Variants in LOXL2 observed in about 807,000 individuals in gnomAD.
LOXL2 encodes the protein lysyl oxidase homolog 2.
Under a neutral mutation model 93.0 loss-of-function variants are expected in LOXL2, and 70 were observed. The observed-to-expected ratio is 0.75, with a 90% CI of 0.62 to 0.92. The LOEUF is 0.92. LOXL2 is among the 40% of genes least tolerant of loss of function. The pLI is 0.00. For synonymous variants in LOXL2, 438 were observed against 413.2 expected (o/e 1.06, Z -0.73); for missense variants, 973 against 1,054.9 (o/e 0.92, Z 1.08).
At chr8:23,317,829 G>A (rs1217746565) in intron 8 of LOXL2, among the ~76,000 whole-genome samples, 1 of 152,116 alleles carries the variant, frequency 6.6e-6, no homozygotes, top group African/African-American at 2.4e-5. Flanking sequence ...GTACAGAAAC[G>A]GGATGAGAAC....
Position 23,298,073 on chromosome 8 carries a change from C to T in LOXL2, c.2295G>A (p.Gly765=). ...ETEKKFEHFS[G]LLNNQLSPQ is the part of the protein sequence containing the mutation. ...GCGGGGACAGCTGGTTGTTTAAGAG[C>T]CCGCTGAAGTGCTCAAACTTTTTTT... Residue 765 remains glycine, a synonymous_variant, in exon 14 of 14, where the codon GGG becomes GGA. Coordinates refer to ENST00000389131, the MANE Select transcript of LOXL2 (RefSeq NM_002318.3). 2 of 1,613,900 alleles carry T rather than the reference C, an allele frequency of 1.2e-6. No homozygotes were observed. Among genetic ancestry groups the T allele is most frequent in the Middle Eastern group, 1.7e-4 (1 of 5,824 alleles).
intron 1 of LOXL2, among the ~76,000 whole-genome samples, chr8:23,371,881 T>C (rs1227044912): frequency 6.6e-6 from 1 of 151,836 alleles, no homozygotes. Context: ...AAAAGTACTA[T>C]TGTCTATTAG....
intron 10 of LOXL2, among the ~76,000 whole-genome samples, chr8:23,304,155 C>T (rs934075291): frequency 5.3e-5 from 8 of 152,196 alleles, no homozygotes; most frequent in South Asian, 2.1e-4. Context: ...GGCACGTCCC[C>T]GGGGGTTCCA....
chr8:23,305,392 T>G (rs776238477), intron 10 of LOXL2, among the ~76,000 whole-genome samples: 1 of 152,168 alleles, frequency 6.6e-6, no homozygotes, highest in Non-Finnish European at 1.5e-5. Flanking sequence ...GGCCTCCCAG[T>G]TTTCCCTGGC....
Position 23,303,391 on chromosome 8 carries a change from G to A in LOXL2, c.1887C>T (p.Tyr629=), listed in dbSNP as rs1201462457. 2 of 1,593,356 alleles carry A rather than the reference G, an allele frequency of 1.3e-6. No individual in the cohort carries two copies. Among genetic ancestry groups the A allele is most frequent in the East Asian group, 2.2e-5 (1 of 44,778 alleles). The change falls in exon 11 of 14, where the codon TAC becomes TAT. Residue 629 remains tyrosine (Y), a synonymous_variant. Coordinates refer to ENST00000389131, the MANE Select transcript of LOXL2 (RefSeq NM_002318.3). ...AGTGGGTGAACACCTCCATGCTGTG[G>A]TAGTGCCTGGAGCGAGAGAGAGATG... ...AWIWHDCHRH[Y]HSMEVFTHYD... is the part of the protein sequence containing the mutation.
intron 3 of LOXL2, among the ~76,000 whole-genome samples, chr8:23,353,723 TTA>T (rs1203505067): frequency 6.6e-6 from 1 of 152,316 alleles, no homozygotes; most frequent in Non-Finnish European, 1.5e-5. Flanking sequence ...CAAAGCACTT[TTA>T]GAGAAATCAT....
intron 1 of LOXL2, among the ~76,000 whole-genome samples, chr8:23,369,360 T>C (rs934954690): frequency 3.9e-5 from 6 of 152,074 alleles, no homozygotes; most frequent in African/African-American, 1.4e-4. Context: ...AGGAGACGAT[T>C]TTAAAAGGAG....
chr8:23,375,993 G>A (rs564850085), intron 1 of LOXL2, among the ~76,000 whole-genome samples: 186 of 152,270 alleles, frequency 1.2e-3, no homozygotes, highest in African/African-American at 4.4e-3. Flanking sequence ...GGAGTGGTGA[G>A]AGAGGGCATC....
intron 1 of LOXL2, among the ~76,000 whole-genome samples, chr8:23,395,048 G>A (rs948907057): frequency 2.0e-5 from 3 of 152,266 alleles, no homozygotes; most frequent in African/African-American, 7.2e-5. Flanking sequence ...GAGGTCAAGA[G>A]ATCGAGACCA....
At chr8:23,360,587 A>G (rs532872577) in intron 2 of LOXL2, among the ~76,000 whole-genome samples, 11 of 152,300 alleles carry the variant, frequency 7.2e-5, no homozygotes, top group Admixed American at 2.6e-4. Flanking sequence ...GTTCTCGTTC[A>G]GCCACTTAGC....
At chr8:23,330,301 T>C (rs1453687981) in intron 5 of LOXL2, among the ~76,000 whole-genome samples, 1 of 152,190 alleles carries the variant, frequency 6.6e-6, no homozygotes, top group Admixed American at 6.5e-5. Flanking sequence ...GCCACTGCAT[T>C]CTGGCCTGGG....
chr8:23,314,294 T>C (rs1343848812), intron 9 of LOXL2, among the ~76,000 whole-genome samples: 2 of 142,198 alleles, frequency 1.4e-5, no homozygotes, highest in Non-Finnish European at 3.1e-5. Context: ...CATTACTGGG[T>C]ATATACCCAA....
In LOXL2 at chr8:23,341,047, C is replaced by G; in HGVS notation, c.688G>C (p.Val230Leu). Residue 230 changes from valine to leucine, a missense_variant, in exon 4 of 14, where the codon GTC becomes CTC. By Grantham distance (32) the Val-to-Leu change is conservative (BLOSUM62 1). Coordinates refer to ENST00000389131, the MANE Select transcript of LOXL2 (RefSeq NM_002318.3). ...KHWTAKNSRV[V>L]CGMFGFPGER... is the part of the protein sequence containing the mutation. ...CCAGGGAAGCCAAACATGCCGCAGACCACGCGGGAATTCTTGGCCGTCCAG... is the reference window on the plus strand; with the variant it reads ...CCAGGGAAGCCAAACATGCCGCAGAGCACGCGGGAATTCTTGGCCGTCCAG... 6.2e-7 allele frequency: 1 copy of G among 1,614,184 alleles called. No individual in the cohort carries two copies. The highest frequency in any genetic ancestry group is 2.2e-5 in the East Asian group (1 of 44,856).
Position 23,371,751 on chromosome 8 carries a change from C to CAA in LOXL2, c.-83-3319_-83-3318dup, listed in dbSNP as rs55780832. Among the ~76,000 whole-genome samples the CAA allele has an allele frequency of 1.4e-3, 62 of 43,896 alleles. 3 individuals carry two copies. The highest frequency in any genetic ancestry group is 2.1e-3 in the African/African-American group (19 of 9,006). 28.8% of individuals were successfully genotyped at this position (43,896 alleles called of 152,430 possible). Reference sequence around the variant, plus strand: ...TGGGCGAAAGAGTGAGAGTCTGTCTCAAAAAAAAAAAAAAAAAAAAAAAAA... The same window carrying CAA: ...TGGGCGAAAGAGTGAGAGTCTGTCTCAAAAAAAAAAAAAAAAAAAAAAAAAAA... On this transcript the variant is annotated intron_variant, in intron 1 of 13. Transcript: ENST00000389131.
intron 11 of LOXL2, 41 bp from the exon 12 acceptor site, chr8:23,302,204 T>C: frequency 1.9e-6 from 3 of 1,609,292 alleles, no homozygotes; most frequent in Admixed American, 1.7e-5. Context: ...CAGGGAACCA[T>C]GGCCCCACTG....
chr8:23,390,535 C>T (rs190833605), intron 1 of LOXL2, among the ~76,000 whole-genome samples: 9 of 152,298 alleles, frequency 5.9e-5, no homozygotes, highest in Middle Eastern at 6.8e-3. Flanking sequence ...TCTTTGTTGG[C>T]ATAATTTGTT....
chr8:23,345,658 G>A (rs1317198657), intron 3 of LOXL2, among the ~76,000 whole-genome samples: 3 of 134,502 alleles, frequency 2.2e-5, no homozygotes, highest in African/African-American at 9.3e-5. Flanking sequence ...CAAGTGTTAG[G>A]ATACATTTTG....
chr8:23,340,900 C>T (rs1413275553), intron 4 of LOXL2, 92 bp downstream of exon 4: 54 of 1,224,990 alleles, frequency 4.4e-5, no homozygotes, highest in Non-Finnish European at 6.1e-5. Flanking sequence ...CCATGCCTGG[C>T]CAAGGAAAGG....
intron 3 of LOXL2, among the ~76,000 whole-genome samples, chr8:23,355,189 T>C (rs1322778208): frequency 1.3e-5 from 2 of 151,734 alleles, no homozygotes; most frequent in African/African-American, 4.8e-5. Flanking sequence ...ACATGATTTG[T>C]CTGCCTCGGC....
Sources: allele counts gnomAD v4.1 joint callset (sites outside exome capture counted in the v4.1 genomes callset), GRCh38; gene constraint gnomAD v4.1.1; transcripts MANE v1.5; gene names NCBI Gene and HGNC (gene_info 2026-07-23, HGNC 2026-07-21).